FCHSD2: variants seen among roughly 807,000 people sequenced by gnomAD.
FCHSD2 encodes F-BAR and double SH3 domains protein 2.
Under a neutral mutation model 108.1 loss-of-function variants are expected in FCHSD2, and 38 were observed. That is an observed-to-expected ratio of 0.35 (90% CI 0.27 to 0.46). The LOEUF (loss-of-function observed/expected upper bound fraction) is 0.46, where lower values mean the gene tolerates loss of function less well. Among genes scored for constraint, FCHSD2 ranks in the 20% least tolerant of loss-of-function variants. The pLI is 1.00. For synonymous variants in FCHSD2, 279 were observed against 314.7 expected (o/e 0.89, Z 1.20); for missense variants, 751 against 897.8 (o/e 0.84, Z 2.09).
intron 8 of FCHSD2, among the ~76,000 whole-genome samples, chr11:72,928,359 T>A (rs907588506): frequency 6.6e-5 from 10 of 152,214 alleles, no homozygotes; most frequent in African/African-American, 2.4e-4. Flanking sequence ...TCTCTCTCAT[T>A]AGCACCATCT....
intron 3 of FCHSD2, among the ~76,000 whole-genome samples, 168 bp downstream of exon 3, chr11:73,083,527 A>C (rs999945356): frequency 2.0e-5 from 3 of 151,888 alleles, no homozygotes. Context: ...CCAGCCTCGC[A>C]ACAAAGCGAG....
At chr11:73,087,966 A>T (rs1004265287) in intron 2 of FCHSD2, among the ~76,000 whole-genome samples, 3 of 152,088 alleles carry the variant, frequency 2.0e-5, no homozygotes, top group South Asian at 2.1e-4. Context: ...CTCAACTTTC[A>T]ATTCCTGTAC....
At chr11:73,028,076 G>C (rs573979045) in intron 3 of FCHSD2, among the ~76,000 whole-genome samples, 1 of 152,370 alleles carries the variant, frequency 6.6e-6, no homozygotes, top group South Asian at 2.1e-4. Context: ...GAAATGTGGG[G>C]TTGGAGCCCC....
chr11:73,126,707 T>C (rs1860868398), intron 2 of FCHSD2, among the ~76,000 whole-genome samples: 1 of 151,912 alleles, frequency 6.6e-6, no homozygotes. Flanking sequence ...AATATTCACA[T>C]AGTTTAAAAT....
In FCHSD2 at chr11:73,000,221, T is replaced by C. The variant is rs556453953; in HGVS notation, c.387+769A>G. Among the ~76,000 whole-genome samples the C allele has an allele frequency of 3.6e-4, 55 of 152,340 alleles. No homozygotes were observed. The South Asian group carries it at 0.011, about 30-fold the overall frequency. On this transcript the variant is annotated intron_variant, in intron 5 of 19. Transcript: ENST00000409418. ...TAGAATCAAAACACTGGATGGCTTC[T>C]AAAATATTATTTCCCGAAATAATTA...
At chr11:72,922,001 A>T in intron 8 of FCHSD2, 51 bp from the exon 9 acceptor site, 1 of 1,358,562 alleles carries the variant, frequency 7.4e-7, no homozygotes, top group Non-Finnish European at 1.0e-6. Flanking sequence ...AAGCCTTGAC[A>T]TATGATATCT....
intron 2 of FCHSD2, among the ~76,000 whole-genome samples, chr11:73,133,811 A>G (rs1229655930): frequency 1.3e-5 from 2 of 151,274 alleles, no homozygotes; most frequent in Non-Finnish European, 2.9e-5. Context: ...AAAAAAAAAA[A>G]AAAAGTAACC....
At chr11:72,897,383 T>C (rs1021703087) in intron 10 of FCHSD2, among the ~76,000 whole-genome samples, 2 of 151,998 alleles carry the variant, frequency 1.3e-5, no homozygotes, top group East Asian at 3.8e-4. Flanking sequence ...TTTTTCTTTG[T>C]CTTATTTCCT....
intron 9 of FCHSD2, among the ~76,000 whole-genome samples, chr11:72,906,869 C>T (rs535198563): frequency 6.6e-6 from 1 of 152,284 alleles, no homozygotes; most frequent in South Asian, 2.1e-4. Context: ...ATGTCTCCAG[C>T]TTTGTTCTTT....
intron 2 of FCHSD2, among the ~76,000 whole-genome samples, chr11:73,099,222 A>G (rs1160557960): frequency 6.6e-6 from 1 of 152,188 alleles, no homozygotes; most frequent in Non-Finnish European, 1.5e-5. Flanking sequence ...TTCCAAAAAT[A>G]AACACACAAT....
Position 72,921,957 on chromosome 11 carries a change from T to C in FCHSD2, c.706-7A>G, listed in dbSNP as rs200346955. 6.6e-5 allele frequency: 104 copies of C among 1,573,470 alleles called. No homozygotes were observed. The highest frequency in any genetic ancestry group is 1.7e-4 in the Middle Eastern group (1 of 6,038). ...ACACATTTCCATCAAGAGCCTGTAA[T>C]AGAGGAGTAAATAAAAGAAAAAAAA... On this transcript the variant is annotated splice_polypyrimidine_tract_variant and splice_region_variant and intron_variant, in intron 8 of 19. Transcript: ENST00000409418.
intron 8 of FCHSD2, among the ~76,000 whole-genome samples, chr11:72,957,220 T>C (rs1033611927): frequency 2.4e-5 from 3 of 124,142 alleles, no homozygotes; most frequent in African/African-American, 9.4e-5. Context: ...AGTGTGATAT[T>C]CCCCTTCCTG....
At position 72,838,559 on chromosome 11, in the gene FCHSD2, C is replaced by A; in HGVS notation, c.*232G>T. On this transcript the variant is annotated 3_prime_UTR_variant, in exon 20 of 20. Coordinates refer to ENST00000409418, the MANE Select transcript of FCHSD2 (RefSeq NM_014824.3). ...CCCCCCTCTTTGCTCCTAGGGTCCGCTAGGATTTGTGCTATGGTAGGAGAA... is the reference window on the plus strand; with the variant it reads ...CCCCCCTCTTTGCTCCTAGGGTCCGATAGGATTTGTGCTATGGTAGGAGAA... 5.4e-6 allele frequency: 3 copies of A among 560,282 alleles called. 1 individual carries two copies. In the South Asian group the frequency reaches 6.2e-5, roughly 12 times the overall value. 34.7% of individuals were successfully genotyped at this position (560,282 alleles called of 1,614,324 possible). A position where few individuals can be genotyped will look rare whatever the true frequency, so the allele number is the denominator to read the frequency against.
At chr11:72,840,700 G>A (rs749469386) in intron 19 of FCHSD2, among the ~76,000 whole-genome samples, 177 bp downstream of exon 19, 1 of 152,140 alleles carries the variant, frequency 6.6e-6, no homozygotes. Context: ...TAAATGTCCC[G>A]AGATGAGTTG....
chr11:73,130,680 C>T (rs1860976270), intron 2 of FCHSD2, among the ~76,000 whole-genome samples: 1 of 152,136 alleles, frequency 6.6e-6, no homozygotes, highest in African/African-American at 2.4e-5. Flanking sequence ...ACACAGTGGT[C>T]TGTGACAAAA....
At chr11:73,097,472 C>T (rs991177113) in intron 2 of FCHSD2, among the ~76,000 whole-genome samples, 2 of 150,928 alleles carry the variant, frequency 1.3e-5, no homozygotes, top group South Asian at 2.1e-4. Context: ...AGGGTAAAGA[C>T]GGCCTCAGAA....
At chr11:73,010,692 G>C (rs957068877) in intron 4 of FCHSD2, among the ~76,000 whole-genome samples, 10 of 152,218 alleles carry the variant, frequency 6.6e-5, no homozygotes, top group African/African-American at 2.4e-4. Context: ...AGTGGTTTCA[G>C]GTGCAGTTAT....
At chr11:73,086,928 T>C (rs1183623411) in intron 2 of FCHSD2, among the ~76,000 whole-genome samples, 1 of 152,202 alleles carries the variant, frequency 6.6e-6, no homozygotes, top group Non-Finnish European at 1.5e-5. Flanking sequence ...CTTAAGAATA[T>C]TATGCAAGGT....
At position 73,142,248 on chromosome 11, in the gene FCHSD2, CCGCCTGCGCCGCCGCTCCCGGCGGA is replaced by C. The variant is rs1861271659; in HGVS notation, c.-396_-372del. On this transcript the variant is annotated 5_prime_UTR_variant, in exon 1 of 20. Coordinates refer to ENST00000409418, the MANE Select transcript of FCHSD2 (RefSeq NM_014824.3). ...CCGCGTTGTCCGCGCTCCCGGTCGG[CCGCCTGCGCCGCCGCTCCCGGCGGA>C]CGCAGCGGCCCCCACCCCACCCACT... is the stretch of plus-strand genomic sequence containing the variant. The C allele has an allele frequency of 6.6e-6, 1 of 151,320 alleles. No homozygotes were observed. The highest frequency in any genetic ancestry group is 1.4e-5 in the Non-Finnish European group (1 of 69,634). The allele number at this position is 151,320 out of a possible 1,614,324, so 9.4% of individuals were successfully genotyped here.
Sources: gnomAD v4.1 joint callset for allele counts (sites outside exome capture counted in the v4.1 genomes callset) on GRCh38, gnomAD v4.1.1 for gene constraint, MANE v1.5 for transcripts, NCBI Gene and HGNC (gene_info 2026-07-23, HGNC 2026-07-21) for gene names.